The following SLC38A1 variants were observed in gnomAD, a reference collection of about 807,000 sequenced individuals.
SLC38A1 encodes the protein solute carrier family 38 member 1, also known as sodium-coupled neutral amino acid symporter 1.
In SLC38A1, 18 loss-of-function variants were observed where a neutral mutation model predicts 60.3. That is an observed-to-expected ratio of 0.30 (90% CI 0.21 to 0.44). The LOEUF is 0.44. Ranked by LOEUF, SLC38A1 falls within the 20% of genes least tolerant of loss-of-function variation. The probability of loss-of-function intolerance (pLI) is 1.00; values close to 1 mark genes in which losing one functional copy is unlikely to be tolerated. For synonymous variants in SLC38A1, 196 were observed against 212.1 expected, an observed-to-expected ratio of 0.92 and a Z score of 0.66; for missense variants, 448 against 587.2, an observed-to-expected ratio of 0.76 and a Z score of 2.45.
At position 46,257,888 on chromosome 12, in the gene SLC38A1, G is replaced by T. The variant is rs535184276; in HGVS notation, c.-209+10638C>A. On this transcript the variant is annotated intron_variant, in intron 1 of 16. Coordinates refer to ENST00000398637, the MANE Select transcript of SLC38A1 (RefSeq NM_030674.4). ...CCAGAAGATGGGGTTCTTAGATCTC[G>T]CACAAGAAAAAATTCAGGGTGAGTC... Among the ~76,000 whole-genome samples, 15 of 152,318 alleles carry T rather than the reference G, an allele frequency of 9.8e-5. No individual in the cohort carries two copies. In the South Asian group the frequency reaches 1.9e-3, roughly 19 times the overall value.
At chr12:46,258,088 T>G (rs1446755397) in intron 1 of SLC38A1, among the ~76,000 whole-genome samples, 1 of 152,218 alleles carries the variant, frequency 6.6e-6, no homozygotes, top group East Asian at 1.9e-4. Flanking sequence ...GCTGTCATGG[T>G]GCTGGTGGGA....
At position 46,229,241 on chromosome 12, in the gene SLC38A1, A is replaced by G; in HGVS notation, c.226T>C (p.Ser76Pro). 2 of 1,613,118 alleles carry G rather than the reference A, an allele frequency of 1.2e-6. No homozygotes were observed. Among genetic ancestry groups the G allele is most frequent in the African/African-American group, 1.3e-5 (1 of 75,030 alleles). The change falls in exon 5 of 17, where the codon TCT becomes CCT. Residue 76 changes from serine (S) to proline (P), a missense_variant. Ser to Pro is a moderately conservative substitution (Grantham distance 74). Around this residue, in one of 2 missense-constraint regions of SLC38A1, gnomAD observed 346 missense variants for 497.5 expected, o/e 0.70. Coordinates refer to ENST00000398637, the MANE Select transcript of SLC38A1 (RefSeq NM_030674.4). ...ATGGCGTTGCTTAGGTTAAAAACAG[A>G]CATGCCTAAGGAGGTTGTACCTGGA... The part of the protein sequence containing the change: ...YIPGTTSLGM[S>P]VFNLSNAIMG...
In SLC38A1 at chr12:46,224,146, T is replaced by C. The variant is rs536831884; in HGVS notation, c.314+5007A>G. On this transcript the variant is annotated intron_variant, in intron 5 of 16. Transcript: ENST00000398637. ...TTCCTTTAGCATCTATTGCCTTTTA[T>C]TTGGGTCCTCACTCCCAGGAAAACA... is the stretch of plus-strand genomic sequence containing the variant. 1.6e-4 allele frequency among the ~76,000 whole-genome samples: 24 copies of C among 152,286 alleles called. No individual in the cohort carries two copies. The South Asian group carries it at 3.5e-3, about 22-fold the overall frequency.
At chr12:46,198,418 A>G (rs947660486) in intron 14 of SLC38A1, among the ~76,000 whole-genome samples, 3 of 152,152 alleles carry the variant, frequency 2.0e-5, no homozygotes, top group Non-Finnish European at 4.4e-5. Flanking sequence ...ATTAGAATGG[A>G]GATTCACTGC....
intron 9 of SLC38A1, 27 bp downstream of exon 9, chr12:46,206,053 T>C: frequency 6.7e-7 from 1 of 1,487,702 alleles, no homozygotes; most frequent in Admixed American, 1.7e-5. Flanking sequence ...CACTGCAGAA[T>C]ATGATAAAAG....
At chr12:46,251,195 T>G (rs1236754433) in intron 1 of SLC38A1, among the ~76,000 whole-genome samples, 1 of 152,068 alleles carries the variant, frequency 6.6e-6, no homozygotes, top group East Asian at 1.9e-4. Context: ...ACACTACACA[T>G]CTACAACCAT....
In SLC38A1 at chr12:46,239,809, A is replaced by C. The variant is rs1017213279; in HGVS notation, c.-9T>G. Reference sequence around the variant, plus strand: ...CTTTTGAAATGCATCATGATTAGAAAGTGTCTGTAGTTTGAAAATTAGTCC... The same window carrying C: ...CTTTTGAAATGCATCATGATTAGAACGTGTCTGTAGTTTGAAAATTAGTCC... On this transcript the variant is annotated 5_prime_UTR_variant, in exon 3 of 17. Transcript: ENST00000398637. 1.7e-5 allele frequency: 28 copies of C among 1,611,954 alleles called. No individual in the cohort carries two copies. The highest frequency in any genetic ancestry group is 2.4e-5 in the Non-Finnish European group (28 of 1,179,862).
At chr12:46,245,504 C>G (rs1941585356) in intron 1 of SLC38A1, among the ~76,000 whole-genome samples, 1 of 152,170 alleles carries the variant, frequency 6.6e-6, no homozygotes. Context: ...TCTTTGTACA[C>G]TGTTGGAGGG....
chr12:46,223,818 T>C (rs1358603356), intron 5 of SLC38A1, among the ~76,000 whole-genome samples: 1 of 152,186 alleles, frequency 6.6e-6, no homozygotes, highest in African/African-American at 2.4e-5. Flanking sequence ...AAGGACTACA[T>C]TATTAAAATA....
In SLC38A1 at chr12:46,237,756, C is replaced by A. The variant is rs139521579; in HGVS notation, c.122+1923G>T. Among the ~76,000 whole-genome samples, 194 of 151,948 alleles carry A rather than the reference C, an allele frequency of 1.3e-3. 10 individuals are homozygous for A. Among genetic ancestry groups the A allele is most frequent in the African/African-American group, 4.2e-3 (172 of 41,224 alleles). ...AACTGACTATTATAAATGACTCCCA[C>A]CTTTAAGGCCCTTGAGGTTTGGATT... is the stretch of plus-strand genomic sequence containing the variant. On this transcript the variant is annotated intron_variant, in intron 3 of 16. Coordinates refer to ENST00000398637, the MANE Select transcript of SLC38A1 (RefSeq NM_030674.4).
In SLC38A1 at chr12:46,239,806, G is replaced by T; in HGVS notation, c.-6C>A. ...CCACTTTTGAAATGCATCATGATTA[G>T]AAAGTGTCTGTAGTTTGAAAATTAG... On this transcript the variant is annotated 5_prime_UTR_variant, in exon 3 of 17. Transcript: ENST00000398637. 1 of 1,612,156 alleles carries T rather than the reference G, an allele frequency of 6.2e-7. No individual in the cohort carries two copies. Among genetic ancestry groups the T allele is most frequent in the South Asian group, 1.1e-5 (1 of 90,996 alleles).
chr12:46,266,565 G>T (rs751939897), intron 1 of SLC38A1, among the ~76,000 whole-genome samples: 1 of 151,288 alleles, frequency 6.6e-6, no homozygotes, highest in Non-Finnish European at 1.5e-5. Flanking sequence ...CGCCCCTCCC[G>T]GTGAGTCACT....
At chr12:46,242,205 T>G (rs1415247692) in intron 2 of SLC38A1, among the ~76,000 whole-genome samples, 1 of 152,120 alleles carries the variant, frequency 6.6e-6, no homozygotes, top group Non-Finnish European at 1.5e-5. Context: ...AAAGAATAAT[T>G]TTTTATTATT....
In SLC38A1 at chr12:46,209,643, A is replaced by G. The variant is rs17096793; in HGVS notation, c.315-516T>C. On this transcript the variant is annotated intron_variant, in intron 5 of 16. Coordinates refer to ENST00000398637, the MANE Select transcript of SLC38A1 (RefSeq NM_030674.4). ...TCTTTTCATCTATTACTTCATGGCT[A>G]TTTTAAAATCTATATATTGGGCTAC... Among the ~76,000 whole-genome samples, 1,048 of 152,328 alleles carry G rather than the reference A, an allele frequency of 6.9e-3. 13 individuals carry two copies. Among genetic ancestry groups the G allele is most frequent in the African/African-American group, 0.024 (996 of 41,576 alleles).
chr12:46,222,954 C>G (rs759885753), intron 5 of SLC38A1, among the ~76,000 whole-genome samples: 6 of 152,128 alleles, frequency 3.9e-5, no homozygotes, highest in Non-Finnish European at 7.3e-5. Flanking sequence ...ATTGGTGGAA[C>G]ACTAGCAAGA....
At chr12:46,260,695 C>G (rs1012649994) in intron 1 of SLC38A1, among the ~76,000 whole-genome samples, 2 of 152,184 alleles carry the variant, frequency 1.3e-5, no homozygotes, top group Non-Finnish European at 2.9e-5. Context: ...GCACCTTCTC[C>G]TTGTCACTCA....
At chr12:46,225,313 C>T (rs1368193142) in intron 5 of SLC38A1, among the ~76,000 whole-genome samples, 3 of 152,136 alleles carry the variant, frequency 2.0e-5, no homozygotes, top group Non-Finnish European at 4.4e-5. Context: ...CAGACCAGGT[C>T]CTACTCCATA....
chr12:46,230,258 C>G (rs1941022753), intron 3 of SLC38A1, among the ~76,000 whole-genome samples: 1 of 152,164 alleles, frequency 6.6e-6, no homozygotes, highest in South Asian at 2.1e-4. Flanking sequence ...CTGGAACAGG[C>G]ACTGGGGAGA....
chr12:46,257,174 G>T (rs1015269891), intron 1 of SLC38A1, among the ~76,000 whole-genome samples: 1 of 152,080 alleles, frequency 6.6e-6, no homozygotes, highest in Admixed American at 6.5e-5. Context: ...AAAGCATTCC[G>T]TGTCCCAAGA....
Sources: gnomAD v4.1 joint callset for allele counts (sites outside exome capture counted in the v4.1 genomes callset) on GRCh38, gnomAD v4.1.1 for gene constraint, gnomAD v4.1.1 regional missense constraint, MANE v1.5 for transcripts, NCBI Gene and HGNC (gene_info 2026-07-23, HGNC 2026-07-21) for gene names.